PPP2R2B: variants seen among roughly 807,000 people sequenced by gnomAD.
PPP2R2B encodes the protein serine/threonine-protein phosphatase 2A 55 kDa regulatory subunit B beta isoform.
Under a neutral mutation model 46.0 loss-of-function variants are expected in PPP2R2B, and 5 were observed. The ratio of observed to expected loss-of-function variants is 0.11; its 90% CI spans 0.06 to 0.23. The LOEUF is 0.23. Ranked by LOEUF, PPP2R2B falls within the 10% of genes least tolerant of loss-of-function variation. PPP2R2B has a pLI of 1.00. For missense variants in PPP2R2B, 367 were observed against 575.0 expected, an observed-to-expected ratio of 0.64 and a Z score of 3.70; for synonymous variants, 215 against 206.7, an observed-to-expected ratio of 1.04 and a Z score of -0.34.
At chr5:146,865,729 CCATTA>C (rs1310396652) in intron 2 of PPP2R2B, among the ~76,000 whole-genome samples, 4 of 152,132 alleles carry the variant, frequency 2.6e-5, no homozygotes, top group Non-Finnish European at 5.9e-5. Context: ...AACATTCATT[CCATTA>C]CATCTCTAAT....
At chr5:146,981,606 C>G (rs763679724) in intron 1 of PPP2R2B, among the ~76,000 whole-genome samples, 1 of 152,130 alleles carries the variant, frequency 6.6e-6, no homozygotes, top group Non-Finnish European at 1.5e-5. Flanking sequence ...CTTTTCCCAA[C>G]TTATCTCAAT....
In PPP2R2B at chr5:146,603,643, A is replaced by G. The variant is rs116236091; in HGVS notation, c.791-3183T>C. ...ATATTCAAGTTTTAATAGCAGCTCCAGGAATTATTTTCCTTCCTTGGGTAA... is the reference window on the plus strand; with the variant it reads ...ATATTCAAGTTTTAATAGCAGCTCCGGGAATTATTTTCCTTCCTTGGGTAA... On this transcript the variant is annotated intron_variant, in intron 7 of 9. Transcript: ENST00000394411. Among the ~76,000 whole-genome samples, 1,012 of 152,364 alleles carry G rather than the reference A, an allele frequency of 6.6e-3. 16 individuals carry two copies. Among genetic ancestry groups the G allele is most frequent in the African/African-American group, 0.022 (931 of 41,584 alleles).
chr5:146,687,335 G>A (rs907921361), intron 5 of PPP2R2B, among the ~76,000 whole-genome samples: 1 of 152,078 alleles, frequency 6.6e-6, no homozygotes, highest in Non-Finnish European at 1.5e-5. Flanking sequence ...GAGCAAAGTA[G>A]ATCAAAGCTT....
intron 1 of PPP2R2B, among the ~76,000 whole-genome samples, chr5:146,979,518 A>C (rs1753067668): frequency 6.6e-6 from 1 of 151,712 alleles, no homozygotes; most frequent in Non-Finnish European, 1.5e-5. Flanking sequence ...AATAAAACTT[A>C]AATGAACCAA....
chr5:146,974,537 A>G (rs1036994189), intron 1 of PPP2R2B, among the ~76,000 whole-genome samples: 1 of 152,012 alleles, frequency 6.6e-6, no homozygotes, highest in South Asian at 2.1e-4. Flanking sequence ...ACATTGATCT[A>G]TTTCTTCACT....
At chr5:146,933,580 C>T (rs1439324143) in intron 1 of PPP2R2B, among the ~76,000 whole-genome samples, 1 of 152,044 alleles carries the variant, frequency 6.6e-6, no homozygotes, top group Non-Finnish European at 1.5e-5. Flanking sequence ...ATTTCTACTT[C>T]AGGGAGATTA....
At chr5:146,992,680 C>T (rs571187492) in intron 1 of PPP2R2B, among the ~76,000 whole-genome samples, 1 of 152,206 alleles carries the variant, frequency 6.6e-6, no homozygotes, top group Non-Finnish European at 1.5e-5. Flanking sequence ...AGGGGGCTCT[C>T]ATTACAACAT....
intron 2 of PPP2R2B, among the ~76,000 whole-genome samples, chr5:146,768,119 G>A (rs1754604994): frequency 6.6e-6 from 1 of 151,896 alleles, no homozygotes; most frequent in South Asian, 2.1e-4. Flanking sequence ...CGTCACCCAG[G>A]TTGGAGTGCA....
At chr5:146,625,243 G>A (rs1203554459) in intron 7 of PPP2R2B, among the ~76,000 whole-genome samples, 1 of 152,084 alleles carries the variant, frequency 6.6e-6, no homozygotes, top group Non-Finnish European at 1.5e-5. Flanking sequence ...TTTCCCACTT[G>A]TGGTGCCTAG....
chr5:146,615,751 A>G (rs1290553673), intron 7 of PPP2R2B, among the ~76,000 whole-genome samples: 1 of 152,162 alleles, frequency 6.6e-6, no homozygotes, highest in Non-Finnish European at 1.5e-5. Flanking sequence ...AAGGGGACAC[A>G]AAAAATGGAA....
intron 5 of PPP2R2B, among the ~76,000 whole-genome samples, chr5:146,656,934 G>A (rs1362494392): frequency 2.0e-5 from 3 of 151,976 alleles, no homozygotes; most frequent in South Asian, 2.1e-4. Flanking sequence ...TATCTTTCCC[G>A]CCTCTCCTCT....
chr5:146,935,555 A>G (rs1374434516), intron 1 of PPP2R2B, among the ~76,000 whole-genome samples: 1 of 152,180 alleles, frequency 6.6e-6, no homozygotes, highest in African/African-American at 2.4e-5. Context: ...GGGAGCACTT[A>G]GCAAGGCCAC....
At chr5:146,867,526 G>GTAA (rs1761381051) in intron 2 of PPP2R2B, among the ~76,000 whole-genome samples, 1 of 152,090 alleles carries the variant, frequency 6.6e-6, no homozygotes, top group Non-Finnish European at 1.5e-5. Flanking sequence ...CATATAAATA[G>GTAA]TAACATGTTG....
chr5:146,994,057 C>A (rs919573599), intron 1 of PPP2R2B, among the ~76,000 whole-genome samples: 2 of 152,128 alleles, frequency 1.3e-5, no homozygotes, highest in African/African-American at 2.4e-5. Flanking sequence ...AAGGTCAAGG[C>A]AGACAGTCAA....
At chr5:147,029,710 T>C (rs1346354352) in intron 1 of PPP2R2B, among the ~76,000 whole-genome samples, 1 of 152,084 alleles carries the variant, frequency 6.6e-6, no homozygotes, top group Non-Finnish European at 1.5e-5. Flanking sequence ...CTGGTATACT[T>C]ATAAGAAAAG....
At chr5:146,650,170 G>A (rs1398853099) in intron 6 of PPP2R2B, among the ~76,000 whole-genome samples, 1 of 152,154 alleles carries the variant, frequency 6.6e-6, no homozygotes, top group Non-Finnish European at 1.5e-5. Flanking sequence ...ATGGAAACCA[G>A]TATGTCTGTG....
intron 2 of PPP2R2B, among the ~76,000 whole-genome samples, chr5:146,846,729 A>T (rs1760037178): frequency 6.6e-6 from 1 of 152,200 alleles, no homozygotes; most frequent in Admixed American, 6.5e-5. Flanking sequence ...AAAAGTAGCT[A>T]CTAAAAAATT....
At chr5:146,964,006 A>G (rs1490130223) in intron 1 of PPP2R2B, among the ~76,000 whole-genome samples, 2 of 152,192 alleles carry the variant, frequency 1.3e-5, no homozygotes, top group Admixed American at 6.5e-5. Context: ...TCCTCTGATG[A>G]TACTTGACCT....
chr5:146,878,635 CA>C lies in PPP2R2B; in HGVS notation c.-170del, dbSNP rs1259435260. The C allele has an allele frequency of 8.0e-7, 1 of 1,249,624 alleles. No individual in the cohort carries two copies. Among genetic ancestry groups the C allele is most frequent in the Non-Finnish European group, 1.0e-6 (1 of 969,226 alleles). 77.4% of individuals were successfully genotyped at this position (1,249,624 alleles called of 1,614,324 possible). A position where few individuals can be genotyped will look rare whatever the true frequency, so the allele number is the denominator to read the frequency against. On this transcript the variant is annotated 5_prime_UTR_variant, in exon 1 of 10. Coordinates refer to ENST00000394411, the MANE Select transcript of PPP2R2B (RefSeq NM_181675.4). The surrounding 1 kb of genome is among the most constrained non-coding windows in gnomAD (Gnocchi z 4.5). ...TGGTCCCACGGGAGGGCGGCTCCGG[CA>C]GGCGGGGGTAGGGAAGCTGGCGGGG...
Sources: gnomAD v4.1 joint callset for allele counts (sites outside exome capture counted in the v4.1 genomes callset) on GRCh38, gnomAD v4.1.1 for gene constraint, Gnocchi (gnomAD v3.1) non-coding constraint, MANE v1.5 for transcripts, NCBI Gene and HGNC (gene_info 2026-07-23, HGNC 2026-07-21) for gene names.